CTNNA3: variants seen among roughly 807,000 people sequenced by gnomAD.
CTNNA3 encodes catenin alpha 3.
Under a neutral mutation model 95.7 loss-of-function variants are expected in CTNNA3, and 76 were observed. The ratio of observed to expected loss-of-function variants is 0.79; its 90% confidence interval spans 0.66 to 0.96. CTNNA3 has a LOEUF of 0.96. Ranked by LOEUF, CTNNA3 falls within the 40% of genes least tolerant of loss-of-function variation. The pLI is 0.00. For missense variants in CTNNA3, 1,191 were observed against 1,089.8 expected, an observed-to-expected ratio of 1.09 and a Z score of -1.31; for synonymous variants, 431 against 374.4, an observed-to-expected ratio of 1.15 and a Z score of -1.74.
At position 66,629,194 on chromosome 10, in the gene CTNNA3, T is replaced by C. The variant is rs568304231; in HGVS notation, c.1282-7410A>G. Among the ~76,000 whole-genome samples, 3 of 152,080 alleles carry C rather than the reference T, an allele frequency of 2.0e-5. No individual in the cohort carries two copies. The East Asian group carries it at 5.8e-4, about 30-fold the overall frequency. ...TCCAGTTCAGCCACAGAGACAACCA[T>C]GCTAATCATTCCTAGAGTGTTCAAG... is the stretch of plus-strand genomic sequence containing the variant. On this transcript the variant is annotated intron_variant, in intron 9 of 17. Transcript: ENST00000433211.
At chr10:66,883,186 C>T (rs147837623) in intron 7 of CTNNA3, among the ~76,000 whole-genome samples, 1 of 152,114 alleles carries the variant, frequency 6.6e-6, no homozygotes, top group Non-Finnish European at 1.5e-5. Flanking sequence ...AGATGACTTA[C>T]AAAGCTTGGA....
intron 12 of CTNNA3, among the ~76,000 whole-genome samples, chr10:66,315,128 G>A (rs2092083025): frequency 6.6e-6 from 1 of 151,852 alleles, no homozygotes; most frequent in African/African-American, 2.4e-5. Context: ...ATAGCTTATT[G>A]CTCCTTTTTT....
intron 7 of CTNNA3, among the ~76,000 whole-genome samples, chr10:67,030,503 T>C (rs1469841441): frequency 6.6e-6 from 1 of 152,034 alleles, no homozygotes; most frequent in Non-Finnish European, 1.5e-5. Flanking sequence ...AAAAAATATA[T>C]AAATACATAA....
intron 9 of CTNNA3, among the ~76,000 whole-genome samples, chr10:66,706,452 T>C (rs1564630760): frequency 6.6e-6 from 1 of 151,900 alleles, no homozygotes; most frequent in Non-Finnish European, 1.5e-5. Context: ...ATGAACATTT[T>C]CTGTCTCCAA....
intron 15 of CTNNA3, among the ~76,000 whole-genome samples, chr10:66,001,597 T>C (rs1159914660): frequency 6.6e-6 from 1 of 152,172 alleles, no homozygotes; most frequent in Non-Finnish European, 1.5e-5. Context: ...ACTGTGGCAT[T>C]TGTCACATGG....
intron 10 of CTNNA3, among the ~76,000 whole-genome samples, chr10:66,602,041 T>A (rs1164410305): frequency 6.6e-6 from 1 of 152,000 alleles, no homozygotes; most frequent in Non-Finnish European, 1.5e-5. Flanking sequence ...CTTTCAGTTA[T>A]AGAACTACAA....
chr10:67,687,407 GTGTCCT>G (rs1840754722), intron 1 of CTNNA3, among the ~76,000 whole-genome samples: 1 of 152,168 alleles, frequency 6.6e-6, no homozygotes, highest in African/African-American at 2.4e-5. Context: ...CTTTTTTAAA[GTGTCCT>G]TGCAAACCAT....
intron 5 of CTNNA3, among the ~76,000 whole-genome samples, chr10:67,294,856 C>T (rs1303391350): frequency 1.3e-5 from 2 of 152,144 alleles, no homozygotes; most frequent in Non-Finnish European, 1.5e-5. Context: ...TTATTTACAG[C>T]CCTAATTTTT....
intron 12 of CTNNA3, among the ~76,000 whole-genome samples, chr10:66,323,966 C>G (rs2092222656): frequency 6.6e-6 from 1 of 151,930 alleles, no homozygotes; most frequent in Non-Finnish European, 1.5e-5. Context: ...GGTCCAACTC[C>G]AAGGGAAGAT....
intron 1 of CTNNA3, among the ~76,000 whole-genome samples, chr10:67,652,566 T>C (rs1839906844): frequency 1.3e-5 from 2 of 152,276 alleles, no homozygotes; most frequent in African/African-American, 4.8e-5. Context: ...ACCAAGTCTC[T>C]CTCTCTCTCA....
At chr10:66,128,955 A>C (rs1439421756) in intron 13 of CTNNA3, among the ~76,000 whole-genome samples, 3 of 151,550 alleles carry the variant, frequency 2.0e-5, no homozygotes, top group Non-Finnish European at 4.4e-5. Flanking sequence ...TCTGTTTAAA[A>C]AAAAAACAAA....
At chr10:66,084,713 G>A (rs1218812234) in intron 14 of CTNNA3, among the ~76,000 whole-genome samples, 1 of 152,120 alleles carries the variant, frequency 6.6e-6, no homozygotes, top group Non-Finnish European at 1.5e-5. Context: ...CCCCAAGTGA[G>A]TTATGAATTA....
intron 7 of CTNNA3, among the ~76,000 whole-genome samples, chr10:66,846,722 C>T (rs1224807395): frequency 2.0e-5 from 3 of 151,938 alleles, no homozygotes; most frequent in African/African-American, 7.3e-5. Context: ...GGAATTTTAC[C>T]TTGTAGCTTC....
intron 11 of CTNNA3, among the ~76,000 whole-genome samples, chr10:66,390,148 C>A (rs924578283): frequency 6.6e-5 from 10 of 152,106 alleles, no homozygotes; most frequent in Admixed American, 6.6e-4. Context: ...CTTTCTACAG[C>A]CAAAGTAGAA....
chr10:66,024,019 A>G (rs1302044745), intron 15 of CTNNA3, among the ~76,000 whole-genome samples: 11 of 151,130 alleles, frequency 7.3e-5, no homozygotes. Context: ...TGTTAGAACA[A>G]TTTGGTTTAG....
intron 7 of CTNNA3, among the ~76,000 whole-genome samples, chr10:67,172,118 C>G (rs1466673601): frequency 6.6e-6 from 1 of 152,232 alleles, no homozygotes; most frequent in African/African-American, 2.4e-5. Flanking sequence ...TCCCAACTCC[C>G]TCAACTGTCT....
At chr10:66,410,290 C>T (rs1350409480) in intron 11 of CTNNA3, among the ~76,000 whole-genome samples, 1 of 152,170 alleles carries the variant, frequency 6.6e-6, no homozygotes, top group African/African-American at 2.4e-5. Context: ...GACCAGCCTG[C>T]TCTTCACAGA....
At chr10:66,128,196 C>T in intron 13 of CTNNA3, among the ~76,000 whole-genome samples, 1 of 152,058 alleles carries the variant, frequency 6.6e-6, no homozygotes, top group East Asian at 1.9e-4. Flanking sequence ...AAACAATAAT[C>T]ACTTAGTCAA....
chr10:67,358,479 A>G (rs191001963), intron 5 of CTNNA3, among the ~76,000 whole-genome samples: 4 of 152,260 alleles, frequency 2.6e-5, no homozygotes, highest in Admixed American at 2.6e-4. Context: ...ACAGACACCC[A>G]GTTTGAAGAA....
Sources: gnomAD v4.1 joint callset for allele counts (sites outside exome capture counted in the v4.1 genomes callset) on GRCh38, gnomAD v4.1.1 for gene constraint, MANE v1.5 for transcripts, NCBI Gene and HGNC (gene_info 2026-07-23, HGNC 2026-07-21) for gene names.